Variants in EMSY observed in about 807,000 individuals in gnomAD.
EMSY encodes the protein BRCA2-interacting transcriptional repressor EMSY.
EMSY carries 26 observed loss-of-function variants against 134.6 expected under a neutral mutation model. The observed-to-expected ratio is 0.19, with a 90% CI of 0.14 to 0.27. EMSY has a LOEUF of 0.27. Ranked by LOEUF, EMSY falls within the 10% of genes least tolerant of loss-of-function variation. EMSY has a pLI of 1.00. For synonymous variants in EMSY, 579 were observed against 577.8 expected, an observed-to-expected ratio of 1.00 and a Z score of -0.03; for missense variants, 1,305 against 1,611.4, an observed-to-expected ratio of 0.81 and a Z score of 3.26.
chr11:76,552,150 G>C (rs1313533426), downstream of EMSY: 5 of 152,208 alleles, frequency 3.3e-5, no homozygotes, highest in East Asian at 1.9e-4. Context: ...ATTCCAAATA[G>C]AGCATGCATT....
rs1947580235 is a variant in EMSY at position 76,449,849 on chromosome 11, T to C, written c.71-2009T>C. Among the ~76,000 whole-genome samples, 3 of 152,222 alleles carry C rather than the reference T, an allele frequency of 2.0e-5. No individual in the cohort carries two copies. In the South Asian group the frequency reaches 6.2e-4, roughly 31 times the overall value. ...TTAATCACCTTGAGGATAGGGATTT[T>C]ATTTTGTTCCTAGAAATATTCTCCA... On this transcript the variant is annotated intron_variant, in intron 2 of 20. Transcript: ENST00000334736.
chr11:76,549,520 T>C (rs1195043066), intron 20 of EMSY, among the ~76,000 whole-genome samples: 1 of 152,224 alleles, frequency 6.6e-6, no homozygotes. Flanking sequence ...TACATTTGCT[T>C]AATAATAAAT....
At chr11:76,546,409 T>G (rs11602123) in intron 20 of EMSY, 112 bp downstream of exon 21, 4 of 1,377,230 alleles carry the variant, frequency 2.9e-6, no homozygotes, top group Non-Finnish European at 3.9e-6. Flanking sequence ...CAGGAAGACA[T>G]AGATATTATC....
At chr11:76,502,533 AAAAAAAC>A (rs987256230) in intron 9 of EMSY, among the ~76,000 whole-genome samples, 26 of 151,050 alleles carry the variant, frequency 1.7e-4, no homozygotes, top group African/African-American at 5.8e-4. Context: ...ATATTATTAA[AAAAAAAC>A]AAAAAACAAA....
intron 8 of EMSY, among the ~76,000 whole-genome samples, chr11:76,480,384 G>C (rs1006411661): frequency 6.6e-6 from 1 of 152,178 alleles, no homozygotes; most frequent in African/African-American, 2.4e-5. Context: ...TTTTCTGATT[G>C]GTTTCCAAAC....
In EMSY at chr11:76,458,119, A is replaced by G; in HGVS notation, c.246-64A>G. 3 of 1,450,730 alleles carry G rather than the reference A, an allele frequency of 2.1e-6. No homozygotes were observed. The South Asian group carries it at 4.1e-5, about 20-fold the overall frequency. 89.9% of individuals were successfully genotyped at this position (1,450,730 alleles called of 1,614,324 possible). On this transcript the variant is annotated intron_variant, in intron 4 of 20. Transcript: ENST00000334736. ...TTTAAAAAGTTATATATGTTTGAGC[A>G]TATATGTTTGATTTGTTTTTAGTGA...
chr11:76,477,506 T>C (rs1040810188), intron 8 of EMSY, among the ~76,000 whole-genome samples: 1 of 152,118 alleles, frequency 6.6e-6, no homozygotes. Flanking sequence ...TAAGCAAATA[T>C]GTATTTATTA....
chr11:76,544,771 C>G (rs35962163), exon 19 of EMSY: 19,194 of 1,614,158 alleles, frequency 0.012, 153 homozygotes, highest in Middle Eastern at 0.018. Flanking sequence ...CCCAAACCCC[C>G]CAGAGCCAAA....
In EMSY at chr11:76,496,323, A is replaced by G. The variant is rs1471607868; in HGVS notation, c.1217A>G (p.Gln406Arg). 2.5e-6 allele frequency: 4 copies of G among 1,614,084 alleles called. No homozygotes were observed. The East Asian group carries it at 8.9e-5, about 36-fold the overall frequency. Residue 406 changes from glutamine to arginine, a missense_variant, in exon 9 of 21, where the codon CAG becomes CGG. Gln to Arg is a conservative substitution (Grantham distance 43). Coordinates refer to ENST00000334736, the Ensembl canonical transcript of EMSY. ...GCACAGTTCCCTAAACAACATCAACAGTCTCCTAAGCAGCAGTTATATCAA... is the reference window on the plus strand; with the variant it reads ...GCACAGTTCCCTAAACAACATCAACGGTCTCCTAAGCAGCAGTTATATCAA...
chr11:76,491,061 G>GCTCCTCCCCTAGGCTGTTGTTGC (rs1178876686), intron 8 of EMSY, among the ~76,000 whole-genome samples: 2 of 151,834 alleles, frequency 1.3e-5, no homozygotes, highest in East Asian at 3.9e-4. Context: ...AATAATAGTT[G>GCTCCTCCCCTAGGCTGTTGTTGC]CTCCTCCCCT....
At chr11:76,474,289 ATATAT>A (rs766127250) in intron 8 of EMSY, among the ~76,000 whole-genome samples, 6 of 152,198 alleles carry the variant, frequency 3.9e-5, no homozygotes, top group Admixed American at 6.5e-5. Flanking sequence ...AGAGGGAAGC[ATATAT>A]TATATAGAAT....
rs71036100 is a variant in EMSY, at chr11:76,494,649, C to CCCTTCCTT, written c.1109-1485_1109-1478dup. Among the ~76,000 whole-genome samples the CCCTTCCTT allele has an allele frequency of 1.7e-4, 12 of 69,202 alleles. No individual in the cohort carries two copies. The East Asian group carries it at 1.9e-3, about 11-fold the overall frequency. The allele number at this position is 69,202 out of a possible 152,430, so 45.4% of individuals were successfully genotyped here. On this transcript the variant is annotated intron_variant, in intron 8 of 20. Coordinates refer to ENST00000334736, the Ensembl canonical transcript of EMSY. ...TGCCTGCCTTCCTCTCCTTTCCTTT[C>CCCTTCCTT]CCTTCCTTCCTTCCTTCCTTCCTTC...
chr11:76,451,812 T>G, intron 2 of EMSY, 46 bp from the exon 3 acceptor site: 2 of 1,261,522 alleles, frequency 1.6e-6, no homozygotes, highest in Non-Finnish European at 2.2e-6. Flanking sequence ...GCCATAGTAT[T>G]AAAATATTAA....
chr11:76,483,373 A>G (rs1479262058), intron 8 of EMSY, among the ~76,000 whole-genome samples: 1 of 152,218 alleles, frequency 6.6e-6, no homozygotes, highest in Non-Finnish European at 1.5e-5. Context: ...AGCTGGCATC[A>G]TAATGACAGG....
intron 11 of EMSY, among the ~76,000 whole-genome samples, chr11:76,517,692 A>G (rs1310156534): frequency 6.6e-6 from 1 of 152,230 alleles, no homozygotes; most frequent in Non-Finnish European, 1.5e-5. Context: ...TTTGAAATTT[A>G]TATATCTTAT....
intron 9 of EMSY, among the ~76,000 whole-genome samples, chr11:76,503,920 G>A (rs1949975409): frequency 6.6e-6 from 1 of 151,856 alleles, no homozygotes; most frequent in Non-Finnish European, 1.5e-5. Flanking sequence ...GAGTAGCTGG[G>A]ATTACAGGCG....
chr11:76,523,855 G>A (rs889568923), intron 12 of EMSY, among the ~76,000 whole-genome samples: 11 of 151,366 alleles, frequency 7.3e-5, no homozygotes, highest in Non-Finnish European at 1.6e-4. Context: ...GACCAGCCTT[G>A]GCAACAAAGC....
chr11:76,509,478 G>A (rs1950196324), intron 9 of EMSY, among the ~76,000 whole-genome samples: 1 of 152,134 alleles, frequency 6.6e-6, no homozygotes, highest in Non-Finnish European at 1.5e-5. Flanking sequence ...GGGTAACAGA[G>A]CGAGACTCCG....
rs1951649829 is a variant in EMSY at position 76,546,302 on chromosome 11, G to A, written c.3774+5G>A. 1 of 1,598,034 alleles carries A rather than the reference G, an allele frequency of 6.3e-7. No homozygotes were observed. The highest frequency in any genetic ancestry group is 8.5e-7 in the Non-Finnish European group (1 of 1,172,702). ...CCAGCAGAAATTATCATCCAGGTAAGAATTGGAAGGAAAATGAGAAATCTT... is the reference window on the plus strand; with the variant it reads ...CCAGCAGAAATTATCATCCAGGTAAAAATTGGAAGGAAAATGAGAAATCTT... On this transcript the variant is annotated splice_donor_5th_base_variant and intron_variant, in intron 20 of 20. Coordinates refer to ENST00000334736, the Ensembl canonical transcript of EMSY.
Sources: gnomAD v4.1 joint callset for allele counts (sites outside exome capture counted in the v4.1 genomes callset) on GRCh38, gnomAD v4.1.1 for gene constraint, MANE v1.5 for transcripts, NCBI Gene and HGNC (gene_info 2026-07-23, HGNC 2026-07-21) for gene names.